FBXL20: variants seen among roughly 807,000 people sequenced by gnomAD.
FBXL20 encodes F-box and leucine rich repeat protein 20, also known as F-box/LRR-repeat protein 20.
Under a neutral mutation model 64.0 loss-of-function variants are expected in FBXL20, and 11 were observed. The observed-to-expected ratio is 0.17, with a 90% CI of 0.11 to 0.28. The LOEUF is 0.28. Among genes scored for constraint, FBXL20 ranks in the 10% least tolerant of loss-of-function variants. The pLI is 1.00. For missense variants in FBXL20, 303 were observed against 526.2 expected (o/e 0.58, Z 4.15); for synonymous variants, 184 against 189.0 (o/e 0.97, Z 0.22).
chr17:39,315,153 G>A (rs562026476), intron 2 of FBXL20, among the ~76,000 whole-genome samples: 1 of 151,802 alleles, frequency 6.6e-6, no homozygotes, highest in Non-Finnish European at 1.5e-5. Flanking sequence ...GGCTGGTCTC[G>A]AATTCCTGAC....
Position 39,385,131 on chromosome 17 carries a change from A to C in FBXL20, c.42+16230T>G, listed in dbSNP as rs1273863085. Among the ~76,000 whole-genome samples the C allele has an allele frequency of 2.6e-5, 4 of 152,304 alleles. No individual in the cohort carries two copies. The East Asian group carries it at 7.7e-4, about 29-fold the overall frequency. On this transcript the variant is annotated intron_variant, in intron 1 of 14. Coordinates refer to ENST00000264658, the MANE Select transcript of FBXL20 (RefSeq NM_032875.3). ...CAGCTACTTGGAAGACTGAGGTGGG[A>C]GGACTGCTTGAGCCTAGGAGGTCAA... is the stretch of plus-strand genomic sequence containing the variant.
intron 2 of FBXL20, among the ~76,000 whole-genome samples, chr17:39,340,200 G>A (rs190130366): frequency 3.3e-5 from 5 of 152,170 alleles, no homozygotes; most frequent in Admixed American, 6.5e-5. Flanking sequence ...GGGTTCAAGC[G>A]ATTCTCCTGC....
At chr17:39,386,024 CA>C (rs35967171) in intron 1 of FBXL20, among the ~76,000 whole-genome samples, 1,465 of 39,608 alleles carry the variant, frequency 0.037, 4 homozygotes, top group Non-Finnish European at 0.044. Flanking sequence ...GATTCCGTCT[CA>C]AAAAAAAAAA....
At chr17:39,339,369 A>C (rs1158107365) in intron 2 of FBXL20, among the ~76,000 whole-genome samples, 1 of 152,110 alleles carries the variant, frequency 6.6e-6, no homozygotes, top group Admixed American at 6.6e-5. Flanking sequence ...TAAGAGGCTG[A>C]GATGGAAGGA....
At chr17:39,345,702 G>A (rs1490143685) in intron 1 of FBXL20, among the ~76,000 whole-genome samples, 1 of 152,014 alleles carries the variant, frequency 6.6e-6, no homozygotes, top group Non-Finnish European at 1.5e-5. Context: ...CACCACACTT[G>A]CCTGATTTTT....
intron 1 of FBXL20, among the ~76,000 whole-genome samples, chr17:39,356,619 C>A (rs1434209127): frequency 2.0e-5 from 3 of 151,948 alleles, no homozygotes; most frequent in Non-Finnish European, 2.9e-5. Context: ...GCCTCCCAGG[C>A]GGCTAGGATT....
At chr17:39,275,762 G>C (rs1426001440) in intron 9 of FBXL20, among the ~76,000 whole-genome samples, 1 of 151,932 alleles carries the variant, frequency 6.6e-6, no homozygotes, top group Non-Finnish European at 1.5e-5. Flanking sequence ...TATTTTAGTA[G>C]TATAAATATA....
chr17:39,296,119 A>G (rs751865232), intron 6 of FBXL20, among the ~76,000 whole-genome samples: 12 of 152,308 alleles, frequency 7.9e-5, no homozygotes, highest in Non-Finnish European at 1.5e-4. Context: ...CTTATTCTTT[A>G]TAACACTAAG....
chr17:39,347,952 C>G (rs1359558969), intron 1 of FBXL20, among the ~76,000 whole-genome samples: 1 of 151,996 alleles, frequency 6.6e-6, no homozygotes, highest in Non-Finnish European at 1.5e-5. Context: ...ATAGGGAATC[C>G]TTTCTCCATT....
chr17:39,317,476 C>T (rs1445417173), intron 2 of FBXL20, among the ~76,000 whole-genome samples: 1 of 151,972 alleles, frequency 6.6e-6, no homozygotes, highest in Non-Finnish European at 1.5e-5. Flanking sequence ...GTGATCCGAC[C>T]GTCTCTGCCT....
Position 39,401,369 on chromosome 17 carries a change from T to C in FBXL20, c.34A>G (p.Arg12Gly). ...GCCCCCCAAGCTCACACCTCAAACC[T>C]GCTCTTGGTCACTCCGTTCACGTCC... Reference protein sequence around the residue: ...RRDVNGVTKSRFEMFSNSDEA... With the variant: ...RRDVNGVTKSGFEMFSNSDEA... The change falls in exon 1 of 15, where the codon AGG becomes GGG. Residue 12 changes from arginine to glycine, a missense_variant. Physicochemically the swap from Arg to Gly is moderately radical, Grantham distance 125 (BLOSUM62 -2). Coordinates refer to ENST00000264658, the MANE Select transcript of FBXL20 (RefSeq NM_032875.3). 8.1e-6 allele frequency: 13 copies of C among 1,612,904 alleles called. No individual in the cohort carries two copies. The highest frequency in any genetic ancestry group is 1.1e-5 in the Non-Finnish European group (13 of 1,179,468).
chr17:39,384,232 C>CA (rs1336754609), intron 1 of FBXL20, among the ~76,000 whole-genome samples: 2 of 151,964 alleles, frequency 1.3e-5, no homozygotes, highest in African/African-American at 4.8e-5. Context: ...AAACCCTCCT[C>CA]AAAAAAATAA....
chr17:39,362,159 G>A (rs2047801895), intron 1 of FBXL20, among the ~76,000 whole-genome samples: 1 of 151,858 alleles, frequency 6.6e-6, no homozygotes, highest in African/African-American at 2.4e-5. Flanking sequence ...CAGGAATGGT[G>A]GCGGGCGCCT....
chr17:39,279,285 G>A (rs973477733), intron 9 of FBXL20, among the ~76,000 whole-genome samples: 3 of 152,072 alleles, frequency 2.0e-5, no homozygotes, highest in Admixed American at 6.6e-5. Context: ...GATTGCTTGA[G>A]CCCAGACATT....
Position 39,384,654 on chromosome 17 carries a change from T to C in FBXL20, c.42+16707A>G, listed in dbSNP as rs538827608. On this transcript the variant is annotated intron_variant, in intron 1 of 14. Coordinates refer to ENST00000264658, the MANE Select transcript of FBXL20 (RefSeq NM_032875.3). ...TATAATCTTGTTTGTTCATAAAATATAGAAATAGATTACATAATTTGGCCG... is the reference window on the plus strand; with the variant it reads ...TATAATCTTGTTTGTTCATAAAATACAGAAATAGATTACATAATTTGGCCG... Among the ~76,000 whole-genome samples, 56 of 152,218 alleles carry C rather than the reference T, an allele frequency of 3.7e-4. 1 individual carries two copies. Among genetic ancestry groups the C allele is most frequent in the African/African-American group, 1.3e-3 (53 of 41,554 alleles).
chr17:39,377,595 G>A (rs998449713), intron 1 of FBXL20, among the ~76,000 whole-genome samples: 2 of 151,146 alleles, frequency 1.3e-5, no homozygotes, highest in South Asian at 2.1e-4. Flanking sequence ...CCGCCTCCCA[G>A]GTTCATGCCA....
intron 6 of FBXL20, among the ~76,000 whole-genome samples, chr17:39,296,009 T>C (rs2047082309): frequency 6.6e-6 from 1 of 152,230 alleles, no homozygotes; most frequent in East Asian, 1.9e-4. Flanking sequence ...GCCTTGCATA[T>C]ACATATTATG....
At chr17:39,270,937 C>G (rs1005293859) in intron 10 of FBXL20, 81 bp from the exon 11 acceptor site, 16 of 1,110,386 alleles carry the variant, frequency 1.4e-5, no homozygotes, top group Non-Finnish European at 1.9e-5. Context: ...TAAGAATTTA[C>G]AAAAACAATC....
chr17:39,347,652 C>T (rs1032161921), intron 1 of FBXL20, among the ~76,000 whole-genome samples: 1 of 152,156 alleles, frequency 6.6e-6, no homozygotes, highest in Non-Finnish European at 1.5e-5. Context: ...CCTGTTTACT[C>T]TGATGGCAGT....
Sources: allele counts gnomAD v4.1 joint callset (sites outside exome capture counted in the v4.1 genomes callset), GRCh38; gene constraint gnomAD v4.1.1; transcripts MANE v1.5; gene names NCBI Gene and HGNC (gene_info 2026-07-23, HGNC 2026-07-21).